Variants in ALPK3 observed in about 807,000 individuals in gnomAD.
ALPK3 encodes the protein alpha-protein kinase 3.
Under a neutral mutation model 140.0 loss-of-function variants are expected in ALPK3, and 102 were observed. The observed-to-expected ratio is 0.73, with a 90% CI of 0.62 to 0.86. ALPK3 has a LOEUF of 0.86. Among genes scored for constraint, ALPK3 ranks in the 40% least tolerant of loss-of-function variants. The probability of loss-of-function intolerance (pLI) is 0.00; values close to 1 mark genes in which losing one functional copy is unlikely to be tolerated. For missense variants in ALPK3, 2,254 were observed against 2,208.2 expected (o/e 1.02, Z -0.42); for synonymous variants, 938 against 898.5 (o/e 1.04, Z -0.79).
chr15:84,863,095 C>T (rs1963967461), intron 10 of ALPK3, among the ~76,000 whole-genome samples, 180 bp downstream of exon 10: 1 of 152,122 alleles, frequency 6.6e-6, no homozygotes, highest in Non-Finnish European at 1.5e-5. Flanking sequence ...AGATGCTTGG[C>T]CTCAGAGAGC....
Position 84,872,577 on chromosome 15 carries a change from C to T in ALPK3, c.*4121C>T, listed in dbSNP as rs1964086064. On this transcript the variant is annotated 3_prime_UTR_variant, in exon 14 of 14. Transcript: ENST00000258888. ...AATTAGGCCTTAGTGGCGAGGGATT[C>T]GACATACAGTCATTTGTCCTACATT... is the stretch of plus-strand genomic sequence containing the variant. 6.6e-6 allele frequency: 1 copy of T among 152,202 alleles called. No individual in the cohort carries two copies. The highest frequency in any genetic ancestry group is 6.5e-5 in the Admixed American group (1 of 15,280). 9.4% of individuals were successfully genotyped at this position (152,202 alleles called of 1,614,324 possible). A position where few individuals can be genotyped will look rare whatever the true frequency, so the allele number is the denominator to read the frequency against.
intron 5 of ALPK3, among the ~76,000 whole-genome samples, chr15:84,849,125 A>G (rs1369807642): frequency 1.3e-5 from 2 of 151,998 alleles, no homozygotes; most frequent in Non-Finnish European, 2.9e-5. Flanking sequence ...CTGGGCAACA[A>G]GAGTAAAACT....
rs752185878 is a variant in ALPK3, at chr15:84,857,066, G to A, written c.2328G>A (p.Glu776=). The A allele has an allele frequency of 6.2e-7, 1 of 1,614,200 alleles. No individual in the cohort carries two copies. The highest frequency in any genetic ancestry group is 8.5e-7 in the Non-Finnish European group (1 of 1,180,020). ...AACCTGGTTGCCTGCCCAGATCTGA[G>A]GAGGCAGTAGTAACAGCCTCCAGGA... ...PKKPGCLPRS[E]EAVVTASRNH... The change falls in exon 6 of 14, where the codon GAG becomes GAA. Residue 776 remains glutamate, a synonymous_variant. Coordinates refer to ENST00000258888, the MANE Select transcript of ALPK3 (RefSeq NM_020778.5).
intron 5 of ALPK3, among the ~76,000 whole-genome samples, chr15:84,855,001 G>A (rs1963844488): frequency 6.6e-6 from 1 of 152,186 alleles, no homozygotes; most frequent in South Asian, 2.1e-4. Flanking sequence ...CAGGGCTTGT[G>A]GGAACAATAT....
intron 5 of ALPK3, among the ~76,000 whole-genome samples, chr15:84,849,851 AAAAAG>A (rs1398751631): frequency 1.3e-5 from 2 of 152,088 alleles, no homozygotes; most frequent in Non-Finnish European, 1.5e-5. Context: ...AGAAAACTAG[AAAAAG>A]AAGAGAAAAA....
chr15:84,837,405 G>A (rs1434730274), intron 3 of ALPK3, among the ~76,000 whole-genome samples: 3 of 152,216 alleles, frequency 2.0e-5, no homozygotes, highest in South Asian at 2.1e-4. Flanking sequence ...TGGTGCATCC[G>A]TAGGCAGTAG....
At chr15:84,826,000 A>G (rs975459305) in intron 2 of ALPK3, among the ~76,000 whole-genome samples, 58 of 152,168 alleles carry the variant, frequency 3.8e-4, no homozygotes, top group Admixed American at 1.5e-3. Flanking sequence ...TCAAATGTTC[A>G]GGTATGTGAG....
At chr15:84,867,993 G>C in intron 13 of ALPK3, 118 bp from the exon 14 acceptor site, 1 of 1,038,580 alleles carries the variant, frequency 9.6e-7, no homozygotes, top group Admixed American at 2.3e-5. Flanking sequence ...ATCACCCTCA[G>C]ATAAGGTAGG....
In ALPK3 at chr15:84,868,633, C is replaced by A; in HGVS notation, c.*177C>A. The A allele has an allele frequency of 1.5e-6, 1 of 675,198 alleles. No homozygotes were observed. The highest frequency in any genetic ancestry group is 2.5e-6 in the Non-Finnish European group (1 of 407,092). The allele number at this position is 675,198 out of a possible 1,614,324, so 41.8% of individuals were successfully genotyped here. A position where few individuals can be genotyped will look rare whatever the true frequency, so the allele number is the denominator to read the frequency against. On this transcript the variant is annotated 3_prime_UTR_variant, in exon 14 of 14. Coordinates refer to ENST00000258888, the MANE Select transcript of ALPK3 (RefSeq NM_020778.5). Reference sequence around the variant, plus strand: ...AGCTCGTCATCAGATGGCTTTGGTGCATGGCACATAGCCCACTGGCCTCTT... The same window carrying A: ...AGCTCGTCATCAGATGGCTTTGGTGAATGGCACATAGCCCACTGGCCTCTT...
Position 84,862,890 on chromosome 15 carries a change from G to A in ALPK3, c.4385G>A (p.Gly1462Asp). Reference sequence around the variant, plus strand: ...CCCAGCAGTGAGACTTCTCTTGTGGGCAGAAACTACGACGTCACCATCCAG... The same window carrying A: ...CCCAGCAGTGAGACTTCTCTTGTGGACAGAAACTACGACGTCACCATCCAG... ...FGPSSETSLVGRNYDVTIQGC... is the reference protein window; with the variant it reads ...FGPSSETSLVDRNYDVTIQGC... The change falls in exon 10 of 14, where the codon GGC becomes GAC. Residue 1462 changes from glycine to aspartate, a missense_variant. Gly to Asp is a moderately conservative substitution (Grantham distance 94). This residue lies in a region of ALPK3 where 2,088 missense variants were observed against 2,022.9 expected (regional missense o/e 1.03). Transcript: ENST00000258888. 6.2e-7 allele frequency: 1 copy of A among 1,613,962 alleles called. No homozygotes were observed. The highest frequency in any genetic ancestry group is 1.3e-5 in the African/African-American group (1 of 75,006).
rs145003820 is a variant in ALPK3 at position 84,839,903 on chromosome 15, G to T, written c.624G>T (p.Gly208=). 5.0e-6 allele frequency: 8 copies of T among 1,613,830 alleles called. No individual in the cohort carries two copies. The highest frequency in any genetic ancestry group is 5.9e-6 in the Non-Finnish European group (7 of 1,179,918). Residue 208 remains glycine, a synonymous_variant, in exon 5 of 14, where the codon GGG becomes GGT. Coordinates refer to ENST00000258888, the MANE Select transcript of ALPK3 (RefSeq NM_020778.5). ...GGAAGCACGAGAAGGCGGTGCCTGGGGAGGTCGACACTCTGCGCAAGCTCA... is the reference window on the plus strand; with the variant it reads ...GGAAGCACGAGAAGGCGGTGCCTGGTGAGGTCGACACTCTGCGCAAGCTCA... ...QSWKHEKAVP[G]EVDTLRKLSP...
chr15:84,833,258 T>G (rs1325806088), intron 3 of ALPK3, among the ~76,000 whole-genome samples: 1 of 152,242 alleles, frequency 6.6e-6, no homozygotes, highest in Non-Finnish European at 1.5e-5. Context: ...TCTCCTTTCC[T>G]GCCCCCACTC....
intron 5 of ALPK3, among the ~76,000 whole-genome samples, chr15:84,848,116 A>G (rs539745710): frequency 1.3e-5 from 2 of 152,172 alleles, no homozygotes; most frequent in South Asian, 4.1e-4. Context: ...TTCATAGAGA[A>G]AGGAAATAAT....
intron 13 of ALPK3, 81 bp from the exon 14 acceptor site, chr15:84,868,030 G>T: frequency 7.1e-7 from 1 of 1,411,598 alleles, no homozygotes; most frequent in Non-Finnish European, 9.7e-7. Flanking sequence ...ACATCCTGAT[G>T]ATGGCCACCC....
intron 3 of ALPK3, among the ~76,000 whole-genome samples, chr15:84,832,556 G>C (rs1481854369): frequency 6.6e-6 from 1 of 152,146 alleles, no homozygotes; most frequent in Non-Finnish European, 1.5e-5. Flanking sequence ...GTCATCTCCA[G>C]TGTTTCCAGG....
intron 6 of ALPK3, 35 bp downstream of exon 6, chr15:84,858,590 G>A (rs777984622): frequency 1.3e-6 from 2 of 1,536,430 alleles, no homozygotes; most frequent in East Asian, 4.5e-5. Flanking sequence ...TGGCTTCACA[G>A]GACAGGGCCA....
chr15:84,852,315 G>A (rs1244467050), intron 5 of ALPK3, among the ~76,000 whole-genome samples: 2 of 152,216 alleles, frequency 1.3e-5, no homozygotes, highest in Non-Finnish European at 2.9e-5. Flanking sequence ...GCAACCTAGT[G>A]TATACCTGGT....
At chr15:84,839,638 G>T (rs1045217212) in intron 4 of ALPK3, 64 bp from the exon 5 acceptor site, 4 of 1,517,724 alleles carry the variant, frequency 2.6e-6, no homozygotes, top group African/African-American at 2.8e-5. Context: ...GGCTCTGGCT[G>T]GGGGGTGTGG....
Sources: allele counts gnomAD v4.1 joint callset (sites outside exome capture counted in the v4.1 genomes callset), GRCh38; gene constraint gnomAD v4.1.1; regional missense constraint gnomAD v4.1.1; transcripts MANE v1.5; gene names NCBI Gene and HGNC (gene_info 2026-07-23, HGNC 2026-07-21).